SCN8A: variants seen among roughly 807,000 people sequenced by gnomAD.
SCN8A encodes sodium channel protein type 8 subunit alpha.
Under a neutral mutation model 184.1 loss-of-function variants are expected in SCN8A, and 30 were observed. The ratio of observed to expected loss-of-function variants is 0.16; its 90% confidence interval spans 0.12 to 0.22. The LOEUF (loss-of-function observed/expected upper bound fraction) is 0.22, where lower values mean the gene tolerates loss of function less well. SCN8A is among the 10% of genes least tolerant of loss of function. The pLI is 1.00. For synonymous variants in SCN8A, 852 were observed against 907.0 expected, an observed-to-expected ratio of 0.94 and a Z score of 1.09; for missense variants, 1,057 against 2,498.9, an observed-to-expected ratio of 0.42 and a Z score of 12.30.
chr12:51,645,165 C>A (rs1203978369), intron 1 of SCN8A, among the ~76,000 whole-genome samples: 1 of 147,456 alleles, frequency 6.8e-6, no homozygotes, highest in Non-Finnish European at 1.5e-5. Flanking sequence ...AAGTGAGGAG[C>A]CCCTCTGCCC....
intron 2 of SCN8A, among the ~76,000 whole-genome samples, chr12:51,681,973 C>T (rs905189111): frequency 6.6e-6 from 1 of 151,802 alleles, no homozygotes; most frequent in Non-Finnish European, 1.5e-5. Flanking sequence ...AAGGTGGGGG[C>T]TTTTCATAAA....
At chr12:51,779,909 AG>A (rs1173409601) in intron 20 of SCN8A, among the ~76,000 whole-genome samples, 1 of 152,146 alleles carries the variant, frequency 6.6e-6, no homozygotes, top group East Asian at 1.9e-4. Context: ...AAAAGTCAGA[AG>A]GTTATTTTAG....
chr12:51,607,640 A>G (rs751525353), intron 1 of SCN8A, among the ~76,000 whole-genome samples: 1 of 152,158 alleles, frequency 6.6e-6, no homozygotes, highest in Admixed American at 6.5e-5. Flanking sequence ...TCATAAAGCG[A>G]TGCTGCATTT....
intron 26 of SCN8A, among the ~76,000 whole-genome samples, chr12:51,796,103 C>CT (rs929322799): frequency 1.6e-4 from 24 of 151,954 alleles, no homozygotes; most frequent in African/African-American, 5.3e-4. Context: ...GACCAGTTTC[C>CT]TTTTTTTCAG....
At chr12:51,638,262 G>T (rs971912897) in intron 1 of SCN8A, among the ~76,000 whole-genome samples, 1 of 152,196 alleles carries the variant, frequency 6.6e-6, no homozygotes, top group African/African-American at 2.4e-5. Flanking sequence ...CATCCATTTT[G>T]TAGTCCATGG....
chr12:51,618,909 G>GT, intron 1 of SCN8A, among the ~76,000 whole-genome samples: 1 of 152,242 alleles, frequency 6.6e-6, no homozygotes, highest in East Asian at 1.9e-4. Flanking sequence ...TAAGTAAAAT[G>GT]TTTTTTAAAA....
At chr12:51,639,922 T>TG (rs1374239140) in intron 1 of SCN8A, among the ~76,000 whole-genome samples, 1 of 119,258 alleles carries the variant, frequency 8.4e-6, no homozygotes, top group Non-Finnish European at 1.7e-5. Flanking sequence ...TTTTTTGAGA[T>TG]GGGGTCTCAG....
intron 26 of SCN8A, among the ~76,000 whole-genome samples, chr12:51,805,113 C>A (rs536956471): frequency 1.8e-4 from 27 of 151,948 alleles, no homozygotes; most frequent in Non-Finnish European, 3.2e-4. Context: ...GGAAAAAAAA[C>A]CTAATCATTC....
intron 14 of SCN8A, among the ~76,000 whole-genome samples, chr12:51,756,318 A>G (rs1490495831): frequency 6.6e-6 from 1 of 151,290 alleles, no homozygotes; most frequent in Non-Finnish European, 1.5e-5. Context: ...CTCACTGTCC[A>G]CCTCCCTGTT....
intron 9 of SCN8A, among the ~76,000 whole-genome samples, chr12:51,703,494 A>G (rs1341683616): frequency 6.6e-6 from 1 of 152,208 alleles, no homozygotes; most frequent in Non-Finnish European, 1.5e-5. Context: ...ATATAGATGG[A>G]ATTTCCATAA....
chr12:51,629,161 GA>G (rs1240386166), intron 1 of SCN8A, among the ~76,000 whole-genome samples: 1 of 152,228 alleles, frequency 6.6e-6, no homozygotes, highest in Non-Finnish European at 1.5e-5. Flanking sequence ...ATTAGCAGAT[GA>G]AATGGGCTGC....
At chr12:51,729,308 C>G (rs1008959765) in intron 12 of SCN8A, among the ~76,000 whole-genome samples, 2 of 152,138 alleles carry the variant, frequency 1.3e-5, no homozygotes, top group African/African-American at 4.8e-5. Context: ...ATAAGACTCT[C>G]CTAAAAAGTA....
intron 14 of SCN8A, among the ~76,000 whole-genome samples, chr12:51,761,650 A>T (rs539106583): frequency 6.6e-6 from 1 of 151,812 alleles, no homozygotes; most frequent in East Asian, 1.9e-4. Flanking sequence ...CACCACGCCC[A>T]ACTAATTTTT....
intron 2 of SCN8A, among the ~76,000 whole-genome samples, chr12:51,675,490 T>TA (rs1565882683): frequency 1.3e-5 from 2 of 152,154 alleles, no homozygotes; most frequent in Admixed American, 1.3e-4. Context: ...TTGCAACAGT[T>TA]AAAGTTATTA....
intron 2 of SCN8A, among the ~76,000 whole-genome samples, chr12:51,675,274 T>C (rs1941204056): frequency 6.6e-6 from 1 of 152,206 alleles, no homozygotes; most frequent in South Asian, 2.1e-4. Context: ...TATGGCTTCC[T>C]GTGACCAGAA....
intron 19 of SCN8A, 56 bp downstream of exon 19, chr12:51,770,739 C>T: frequency 6.4e-7 from 1 of 1,573,718 alleles, no homozygotes; most frequent in Non-Finnish European, 8.7e-7. Flanking sequence ...TGTAGAGAAG[C>T]CAGTGGGAAA....
intron 2 of SCN8A, among the ~76,000 whole-genome samples, chr12:51,674,819 T>A (rs1383346688): frequency 9.2e-5 from 14 of 152,148 alleles, no homozygotes; most frequent in Admixed American, 9.2e-4. Flanking sequence ...CTGATAAAAT[T>A]GGAATAGTGA....
At chr12:51,643,434 A>G (rs756450734) in intron 1 of SCN8A, among the ~76,000 whole-genome samples, 3 of 152,186 alleles carry the variant, frequency 2.0e-5, no homozygotes, top group Non-Finnish European at 4.4e-5. Flanking sequence ...GTTCATAGGT[A>G]TTACACCTGC....
At position 51,800,543 on chromosome 12, in the gene SCN8A, A is replaced by G. The variant is rs572054002; in HGVS notation, c.4796-5739A>G. On this transcript the variant is annotated intron_variant, in intron 26 of 26. Coordinates refer to ENST00000627620, the MANE Select transcript of SCN8A (RefSeq NM_001330260.2). ...TGGCTTCCATTTGGCCTTTCCCACC[A>G]TAATAGGCCTCACACTACCAGTCAG... Among the ~76,000 whole-genome samples the G allele has an allele frequency of 3.3e-3, 510 of 152,336 alleles. 6 individuals carry two copies. Among genetic ancestry groups the G allele is most frequent in the Middle Eastern group, 0.014 (4 of 294 alleles).
Sources: allele counts gnomAD v4.1 joint callset (sites outside exome capture counted in the v4.1 genomes callset), GRCh38; gene constraint gnomAD v4.1.1; transcripts MANE v1.5; gene names NCBI Gene and HGNC (gene_info 2026-07-23, HGNC 2026-07-21).